DPYD: variants seen among roughly 807,000 people sequenced by gnomAD.
DPYD encodes dihydropyrimidine dehydrogenase, also known as dihydropyrimidine dehydrogenase [NADP(+)].
A neutral mutation model predicts 116.2 loss-of-function variants in DPYD; 109 were observed. That is an observed-to-expected ratio of 0.94 (90% CI 0.80 to 1.10). The LOEUF is 1.10. Ranked by LOEUF, DPYD falls within the 50% of genes least tolerant of loss-of-function variation. DPYD has a pLI of 0.00. For missense variants in DPYD, 1,302 were observed against 1,254.5 expected (o/e 1.04, Z -0.57); for synonymous variants, 440 against 432.0 (o/e 1.02, Z -0.23).
intron 21 of DPYD, among the ~76,000 whole-genome samples, chr1:97,095,292 A>G (rs1650163746): frequency 6.6e-6 from 1 of 152,154 alleles, no homozygotes; most frequent in South Asian, 2.1e-4. Flanking sequence ...AAATTTGAAT[A>G]TAAAGTAAAT....
intron 18 of DPYD, among the ~76,000 whole-genome samples, chr1:97,285,099 G>A (rs1174758911): frequency 1.3e-5 from 2 of 152,154 alleles, no homozygotes; most frequent in Non-Finnish European, 2.9e-5. Context: ...ACTAAAGGTG[G>A]AGGGTTTTAA....
chr1:97,866,954 T>C (rs1205648803), intron 2 of DPYD, among the ~76,000 whole-genome samples: 1 of 151,810 alleles, frequency 6.6e-6, no homozygotes, highest in African/African-American at 2.4e-5. Flanking sequence ...TAGGGGCTTG[T>C]AGGCTATAAT....
intron 8 of DPYD, among the ~76,000 whole-genome samples, chr1:97,647,451 C>T (rs1421999211): frequency 6.6e-6 from 1 of 151,726 alleles, no homozygotes; most frequent in East Asian, 1.9e-4. Flanking sequence ...AATAACAGAA[C>T]CAGTATAATA....
At chr1:97,702,647 C>A (rs985948429) in intron 5 of DPYD, among the ~76,000 whole-genome samples, 12 of 151,750 alleles carry the variant, frequency 7.9e-5, no homozygotes, top group African/African-American at 2.9e-4. Context: ...GTGTCATAAC[C>A]AAATGGAATA....
intron 18 of DPYD, among the ~76,000 whole-genome samples, chr1:97,290,184 T>A (rs1312025474): frequency 2.0e-5 from 3 of 151,892 alleles, no homozygotes; most frequent in Non-Finnish European, 2.9e-5. Context: ...TCAAGGAAAT[T>A]AAAGAGGATA....
intron 14 of DPYD, among the ~76,000 whole-genome samples, chr1:97,398,010 TATGTATAC>T (rs1673111386): frequency 3.9e-5 from 6 of 152,086 alleles, no homozygotes; most frequent in Admixed American, 3.9e-4. Context: ...GTTTGTTACA[TATGTATAC>T]ATGTGTCCAT....
intron 3 of DPYD, among the ~76,000 whole-genome samples, chr1:97,776,282 C>T (rs960473225): frequency 6.6e-6 from 1 of 151,990 alleles, no homozygotes; most frequent in African/African-American, 2.4e-5. Context: ...TACCTCTTTC[C>T]TTTGTTTTAT....
At position 97,318,941 on chromosome 1, in the gene DPYD, T is replaced by G. The variant is rs1051339120; in HGVS notation, c.2059-12644A>C. ...GATTAAGAATCTCACTCAAAGCCGCTCAACTACATGGAAACTGAACAACCT... is the reference window on the plus strand; with the variant it reads ...GATTAAGAATCTCACTCAAAGCCGCGCAACTACATGGAAACTGAACAACCT... On this transcript the variant is annotated intron_variant, in intron 16 of 22. Coordinates refer to ENST00000370192, the MANE Select transcript of DPYD (RefSeq NM_000110.4). Among the ~76,000 whole-genome samples the G allele has an allele frequency of 3.0e-5, 4 of 133,006 alleles. No individual in the cohort carries two copies. In the Admixed American group the frequency reaches 3.1e-4, roughly 10 times the overall value. The allele number at this position is 133,006 out of a possible 152,430, so 87.3% of individuals were successfully genotyped here.
At chr1:97,430,264 G>A (rs1326119177) in intron 14 of DPYD, among the ~76,000 whole-genome samples, 1 of 152,030 alleles carries the variant, frequency 6.6e-6, no homozygotes, top group African/African-American at 2.4e-5. Context: ...GAATGAAGTC[G>A]TACCCTTGGA....
chr1:97,280,954 C>T (rs1257608675), intron 18 of DPYD, among the ~76,000 whole-genome samples: 1 of 152,084 alleles, frequency 6.6e-6, no homozygotes, highest in African/African-American at 2.4e-5. Flanking sequence ...CCGATTTGAT[C>T]ATTATACAAT....
intron 15 of DPYD, among the ~76,000 whole-genome samples, chr1:97,378,753 G>C (rs1465354692): frequency 1.3e-5 from 2 of 152,118 alleles, no homozygotes; most frequent in African/African-American, 4.8e-5. Flanking sequence ...TTGGAATTGA[G>C]GATTAAGCAG....
intron 19 of DPYD, 112 bp downstream of exon 19, chr1:97,234,740 G>A: frequency 1.5e-6 from 2 of 1,327,096 alleles, no homozygotes; most frequent in Non-Finnish European, 1.1e-6. Flanking sequence ...GATCCCAAAT[G>A]GCCTCCTTTT....
chr1:97,838,993 T>G (rs1669915198), intron 2 of DPYD, among the ~76,000 whole-genome samples: 1 of 152,200 alleles, frequency 6.6e-6, no homozygotes, highest in African/African-American at 2.4e-5. Context: ...TTTCCGCAGA[T>G]CCTCATGAAT....
Position 97,750,804 on chromosome 1 carries a change from A to T in DPYD, c.234-10325T>A, listed in dbSNP as rs553808778. The stretch of plus-strand genomic sequence containing the variant: ...CAAGGATTGAAAGTGTAGTATTTGT[A>T]GGATACAAAATTTGTCTATATGGAG... On this transcript the variant is annotated intron_variant, in intron 3 of 22. Coordinates refer to ENST00000370192, the MANE Select transcript of DPYD (RefSeq NM_000110.4). 3.9e-5 allele frequency among the ~76,000 whole-genome samples: 6 copies of T among 152,324 alleles called. No individual in the cohort carries two copies. In the East Asian group the frequency reaches 1.2e-3, roughly 29 times the overall value.
chr1:97,216,678 C>T (rs916714269), intron 19 of DPYD, among the ~76,000 whole-genome samples: 16 of 151,810 alleles, frequency 1.1e-4, no homozygotes, highest in Admixed American at 2.0e-4. Flanking sequence ...ACCTGTAGTC[C>T]CACCTACTCA....
chr1:97,133,509 G>A (rs948264612), intron 20 of DPYD, among the ~76,000 whole-genome samples: 6 of 151,698 alleles, frequency 4.0e-5, no homozygotes, highest in Non-Finnish European at 8.8e-5. Context: ...CATGTACTTT[G>A]GTTTGTTTTT....
chr1:97,607,411 AAG>A (rs1246714717), intron 8 of DPYD, among the ~76,000 whole-genome samples: 1 of 151,776 alleles, frequency 6.6e-6, no homozygotes, highest in Non-Finnish European at 1.5e-5. Context: ...ATTCTAAGGG[AAG>A]AGTGTTGTTC....
chr1:97,311,494 T>G (rs982940613), intron 16 of DPYD, among the ~76,000 whole-genome samples: 5 of 151,792 alleles, frequency 3.3e-5, no homozygotes, highest in African/African-American at 4.8e-5. Flanking sequence ...TGCCATTATC[T>G]ATCTACCAGA....
intron 12 of DPYD, among the ~76,000 whole-genome samples, chr1:97,531,410 T>C (rs536633655): frequency 2.0e-5 from 3 of 152,210 alleles, no homozygotes; most frequent in South Asian, 4.1e-4. Context: ...GACTTTCGTA[T>C]TGAAAGTCAT....
Sources: gnomAD v4.1 joint callset for allele counts (sites outside exome capture counted in the v4.1 genomes callset) on GRCh38, gnomAD v4.1.1 for gene constraint, MANE v1.5 for transcripts, NCBI Gene and HGNC (gene_info 2026-07-23, HGNC 2026-07-21) for gene names.